Variants in CDH11 observed in about 807,000 individuals in gnomAD.
CDH11 encodes the protein cadherin-11.
In CDH11, 11 loss-of-function variants were observed where a neutral mutation model predicts 67.8. The observed-to-expected ratio is 0.16, with a 90% CI of 0.10 to 0.27. CDH11 has a LOEUF of 0.27. Ranked by LOEUF, CDH11 falls within the 10% of genes least tolerant of loss-of-function variation. The probability of loss-of-function intolerance (pLI) is 1.00; values close to 1 mark genes in which losing one functional copy is unlikely to be tolerated. For missense variants in CDH11, 847 were observed against 1,031.2 expected (o/e 0.82, Z 2.45); for synonymous variants, 419 against 400.0 (o/e 1.05, Z -0.57).
Position 64,945,308 on chromosome 16 carries a change from AAAAAAAAAAAAG to A in CDH11, c.*2283_*2294del. On this transcript the variant is annotated 3_prime_UTR_variant, in exon 13 of 13. Transcript: ENST00000268603. ...TAACGAAAAAATAAAAGGTAAAAAA[AAAAAAAAAAAAG>A]AAAAAGAAAAACAAGTATTCTTAAC... is the stretch of plus-strand genomic sequence containing the variant. 9.3e-6 allele frequency: 6 copies of A among 644,296 alleles called. No individual in the cohort carries two copies. Among genetic ancestry groups the A allele is most frequent in the Non-Finnish European group, 1.2e-5 (6 of 505,218 alleles). The allele number at this position is 644,296 out of a possible 1,614,324, so 39.9% of individuals were successfully genotyped here. A position where few individuals can be genotyped will look rare whatever the true frequency, so the allele number is the denominator to read the frequency against.
chr16:64,948,597 G>A (rs772874690), intron 12 of CDH11: 1 of 1,602,888 alleles, frequency 6.2e-7, no homozygotes, highest in Non-Finnish European at 8.5e-7. Context: ...CTAACTTAAT[G>A]GGAAGTCTTA....
intron 2 of CDH11, among the ~76,000 whole-genome samples, chr16:65,016,459 T>G (rs747483326): frequency 2.6e-5 from 4 of 152,174 alleles, no homozygotes; most frequent in Non-Finnish European, 5.9e-5. Context: ...AAGGCAATAT[T>G]AAGTGTCTTT....
At chr16:65,099,377 G>A (rs1172225278) in intron 1 of CDH11, among the ~76,000 whole-genome samples, 1 of 152,136 alleles carries the variant, frequency 6.6e-6, no homozygotes, top group Non-Finnish European at 1.5e-5. Flanking sequence ...CAAGTGCACT[G>A]TCAATCACAA....
rs1011613853 is a variant in CDH11 at position 65,109,883 on chromosome 16, G to A, written c.-298+11997C>T. Among the ~76,000 whole-genome samples the A allele has an allele frequency of 1.5e-4, 23 of 151,854 alleles. 1 individual carries two copies. Among genetic ancestry groups the A allele is most frequent in the Admixed American group, 8.5e-4 (13 of 15,262 alleles). On this transcript the variant is annotated intron_variant, in intron 1 of 12. Coordinates refer to ENST00000268603, the MANE Select transcript of CDH11 (RefSeq NM_001797.4). The stretch of plus-strand genomic sequence containing the variant: ...AAATTGGACTATTCAATGTTTGTTT[G>A]TTTGTTTGTTTGTTTTAAGACAGGG...
chr16:65,055,067 C>T (rs1166292096), intron 1 of CDH11, among the ~76,000 whole-genome samples: 1 of 152,178 alleles, frequency 6.6e-6, no homozygotes. Flanking sequence ...ATCCAAATGT[C>T]AGGACAGAGT....
At chr16:65,085,156 C>A (rs2074674674) in intron 1 of CDH11, among the ~76,000 whole-genome samples, 1 of 152,190 alleles carries the variant, frequency 6.6e-6, no homozygotes, top group Non-Finnish European at 1.5e-5. Flanking sequence ...GGTTATCCAT[C>A]CGCCTCGGCC....
chr16:64,963,095 GA>G (rs2142402206), intron 11 of CDH11, among the ~76,000 whole-genome samples: 1 of 152,310 alleles, frequency 6.6e-6, no homozygotes, highest in African/African-American at 2.4e-5. Flanking sequence ...ACAATTTGAA[GA>G]GACAGAGAAA....
chr16:65,059,748 C>T (rs1377549939), intron 1 of CDH11: 1 of 152,196 alleles, frequency 6.6e-6, no homozygotes, highest in African/African-American at 2.4e-5. Context: ...ACAAAACACG[C>T]CTTGTCCAAT....
chr16:65,010,960 T>TAC (rs1271133299), intron 2 of CDH11, among the ~76,000 whole-genome samples: 1 of 130,838 alleles, frequency 7.6e-6, no homozygotes, highest in Non-Finnish European at 1.7e-5. Context: ...GACATATATA[T>TAC]ATATATGTGT....
Position 64,947,860 on chromosome 16 carries a change from G to T in CDH11, c.2134C>A (p.Pro712Thr), listed in dbSNP as rs1435366175. The T allele has an allele frequency of 6.2e-7, 1 of 1,614,166 alleles. No homozygotes were observed. The highest frequency in any genetic ancestry group is 1.1e-5 in the South Asian group (1 of 91,082). ...AAGTCATCGACATCCACGCTGTTGG[G>T]CGCTGGCCGGAGCCCAGGTCTAGGC... Reference protein sequence around the residue: ...YMPRPGLRPAPNSVDVDDFIN... With the variant: ...YMPRPGLRPATNSVDVDDFIN... The change falls in exon 13 of 13, where the codon CCC (proline) becomes ACC (threonine). Residue 712 changes from proline (P) to threonine (T), a missense_variant. Around this residue, in one of 2 missense-constraint regions of CDH11, gnomAD observed 612 missense variants for 678.7 expected, o/e 0.90. Coordinates refer to ENST00000268603, the MANE Select transcript of CDH11 (RefSeq NM_001797.4).
At chr16:65,090,111 C>T (rs965698667) in intron 1 of CDH11, among the ~76,000 whole-genome samples, 1 of 152,010 alleles carries the variant, frequency 6.6e-6, no homozygotes. Flanking sequence ...TTTTAAGTGG[C>T]AGAACATATG....
rs146390873 is a variant in CDH11, at chr16:65,111,165, G to A, written c.-298+10715C>T. Among the ~76,000 whole-genome samples the A allele has an allele frequency of 6.2e-4, 95 of 152,236 alleles. 1 individual carries two copies. Among genetic ancestry groups the A allele is most frequent in the Non-Finnish European group, 1.1e-3 (77 of 68,020 alleles). The stretch of plus-strand genomic sequence containing the variant: ...AATTTTAAAATATTTCAGTAGACTG[G>A]ATCAATTGACCAAACTCAGCAATAT... On this transcript the variant is annotated intron_variant, in intron 1 of 12. Transcript: ENST00000268603.
chr16:64,974,517 T>G (rs891484531), intron 8 of CDH11, among the ~76,000 whole-genome samples: 1 of 152,170 alleles, frequency 6.6e-6, no homozygotes. Flanking sequence ...TCCCAGATCA[T>G]GTTCTTTTCA....
chr16:65,116,687 C>T (rs1567589509), intron 1 of CDH11, among the ~76,000 whole-genome samples: 1 of 152,172 alleles, frequency 6.6e-6, no homozygotes, highest in Non-Finnish European at 1.5e-5. Flanking sequence ...CTACTGCAGT[C>T]TTTAAAGCTG....
chr16:65,006,271 T>C (rs1047002883), intron 2 of CDH11, among the ~76,000 whole-genome samples: 2 of 152,224 alleles, frequency 1.3e-5, no homozygotes, highest in Non-Finnish European at 2.9e-5. Context: ...GATAACATTC[T>C]GTTTCAGCAC....
rs147033764 is a variant in CDH11, at chr16:64,950,995, G to A, written c.1666C>T (p.Arg556Trp). 6 of 1,613,870 alleles carry A rather than the reference G, an allele frequency of 3.7e-6. No homozygotes were observed. In the African/African-American group the frequency reaches 4.0e-5, roughly 11 times the overall value. Residue 556 changes from arginine to tryptophan, a missense_variant, in exon 12 of 13, where the codon CGG becomes TGG. Physicochemically the swap from Arg to Trp is moderately radical, Grantham distance 101 (BLOSUM62 -3). Around this residue, in one of 2 missense-constraint regions of CDH11, gnomAD observed 612 missense variants for 678.7 expected, o/e 0.90. Coordinates refer to ENST00000268603, the MANE Select transcript of CDH11 (RefSeq NM_001797.4). The stretch of plus-strand genomic sequence containing the variant: ...TTCTGCCGACTGAACCCTCCACGCC[G>A]GGCGTACACGCCTGCTGTGTTATCT... Reference protein sequence around the residue: ...NRDNTAGVYARRGGFSRQKQD... With the variant: ...NRDNTAGVYAWRGGFSRQKQD...
chr16:64,966,610 T>C (rs576089061), intron 11 of CDH11, among the ~76,000 whole-genome samples: 270 of 152,122 alleles, frequency 1.8e-3, no homozygotes, highest in African/African-American at 6.1e-3. Context: ...GAGACATGAC[T>C]AAATATTTCA....
Position 64,944,087 on chromosome 16 carries a change from G to T in CDH11, c.*3516C>A, listed in dbSNP as rs2071154102. ...GATGGAGTGGAATGACACTGGAGAG[G>T]TTCGCAGGGCCCTGTTCATGTAAAG... On this transcript the variant is annotated 3_prime_UTR_variant, in exon 13 of 13. Transcript: ENST00000268603. 4.3e-6 allele frequency: 1 copy of T among 232,676 alleles called. No individual in the cohort carries two copies. The highest frequency in any genetic ancestry group is 1.8e-4 in the South Asian group (1 of 5,516). 14.4% of individuals were successfully genotyped at this position (232,676 alleles called of 1,614,324 possible). A position where few individuals can be genotyped will look rare whatever the true frequency, so the allele number is the denominator to read the frequency against.
At chr16:65,079,535 G>A (rs1487761699) in intron 1 of CDH11, among the ~76,000 whole-genome samples, 1 of 152,120 alleles carries the variant, frequency 6.6e-6, no homozygotes, top group Non-Finnish European at 1.5e-5. Flanking sequence ...GTTCCAATCA[G>A]CATTCTGCTG....
Sources: allele counts gnomAD v4.1 joint callset (sites outside exome capture counted in the v4.1 genomes callset), GRCh38; gene constraint gnomAD v4.1.1; regional missense constraint gnomAD v4.1.1; transcripts MANE v1.5; gene names NCBI Gene and HGNC (gene_info 2026-07-23, HGNC 2026-07-21).